Variants in PID1 observed in about 807,000 individuals in gnomAD.
PID1 encodes the protein phosphotyrosine interaction domain containing 1.
Under a neutral mutation model 19.1 loss-of-function variants are expected in PID1, and 10 were observed. The ratio of observed to expected loss-of-function variants is 0.52; its 90% confidence interval spans 0.32 to 0.89. The LOEUF is 0.89. Among genes scored for constraint, PID1 ranks in the 40% least tolerant of loss-of-function variants. The probability of loss-of-function intolerance (pLI) is 0.03; values close to 1 mark genes in which losing one functional copy is unlikely to be tolerated. For missense variants in PID1, 248 were observed against 285.3 expected, an observed-to-expected ratio of 0.87 and a Z score of 0.94; for synonymous variants, 130 against 116.0, an observed-to-expected ratio of 1.12 and a Z score of -0.78.
At chr2:229,155,778 A>G in intron 2 of PID1, 40 bp downstream of exon 2, 2 of 1,559,214 alleles carry the variant, frequency 1.3e-6, no homozygotes, top group Non-Finnish European at 1.7e-6. Flanking sequence ...CTTTGAGGCT[A>G]TCTCACCAAG....
intron 1 of PID1, among the ~76,000 whole-genome samples, chr2:229,219,982 C>T (rs956209264): frequency 2.0e-5 from 3 of 151,934 alleles, no homozygotes; most frequent in Non-Finnish European, 4.4e-5. Flanking sequence ...ATGTGATCGA[C>T]TGTAAATTCC....
At chr2:229,102,177 TCA>T (rs1455158097) in intron 2 of PID1, among the ~76,000 whole-genome samples, 4 of 152,126 alleles carry the variant, frequency 2.6e-5, no homozygotes, top group Non-Finnish European at 5.9e-5. Context: ...GGACTTCAGT[TCA>T]CAGAGACCCA....
At chr2:229,109,935 T>C (rs1212792891) in intron 2 of PID1, among the ~76,000 whole-genome samples, 2 of 152,138 alleles carry the variant, frequency 1.3e-5, no homozygotes, top group Non-Finnish European at 2.9e-5. Flanking sequence ...TTCCACCTTA[T>C]CATGCAGAAC....
At chr2:229,076,367 C>T (rs1694557449) in intron 2 of PID1, among the ~76,000 whole-genome samples, 1 of 151,956 alleles carries the variant, frequency 6.6e-6, no homozygotes. Context: ...CTTTGTGAAA[C>T]TCTTTCTTGG....
intron 1 of PID1, among the ~76,000 whole-genome samples, chr2:229,215,328 ATTGC>A (rs1691822419): frequency 6.6e-6 from 1 of 152,158 alleles, no homozygotes; most frequent in Non-Finnish European, 1.5e-5. Flanking sequence ...TTTCTACTGG[ATTGC>A]TTGTCTTTTT....
At chr2:229,157,430 C>CA (rs144446508) in intron 1 of PID1, among the ~76,000 whole-genome samples, 46,204 of 124,784 alleles carry the variant, frequency 0.37, 8,198 homozygotes, top group African/African-American at 0.49. Context: ...GATTCCATCT[C>CA]AAAAAAAAAA....
At chr2:229,192,157 A>C (rs1047993965) in intron 1 of PID1, among the ~76,000 whole-genome samples, 1 of 152,234 alleles carries the variant, frequency 6.6e-6, no homozygotes, top group African/African-American at 2.4e-5. Flanking sequence ...TTTGCCAGTA[A>C]TTAAGAGGAA....
chr2:229,103,751 G>A (rs1695120040), intron 2 of PID1, among the ~76,000 whole-genome samples: 1 of 151,920 alleles, frequency 6.6e-6, no homozygotes, highest in Non-Finnish European at 1.5e-5. Context: ...TAATTGTTTT[G>A]TATTTTTAGT....
intron 2 of PID1, among the ~76,000 whole-genome samples, chr2:229,061,055 G>A (rs997759660): frequency 6.6e-6 from 1 of 152,006 alleles, no homozygotes; most frequent in African/African-American, 2.4e-5. Context: ...CTCCCAGTCT[G>A]TGCATTGCCA....
intron 1 of PID1, among the ~76,000 whole-genome samples, chr2:229,226,293 C>T (rs1370762192): frequency 1.3e-5 from 2 of 152,190 alleles, no homozygotes; most frequent in African/African-American, 4.8e-5. Context: ...TCTCACACTT[C>T]CCAACTTTCC....
intron 1 of PID1, among the ~76,000 whole-genome samples, chr2:229,177,069 A>G (rs1048864895): frequency 4.6e-5 from 7 of 152,190 alleles, no homozygotes; most frequent in Non-Finnish European, 1.0e-4. Context: ...AAGAGAAGAG[A>G]ACTTGTGAAG....
chr2:229,104,511 T>G (rs376552591), intron 2 of PID1, among the ~76,000 whole-genome samples: 5 of 152,232 alleles, frequency 3.3e-5, no homozygotes, highest in Non-Finnish European at 5.9e-5. Flanking sequence ...GTATTGGCTG[T>G]TTCACTCATT....
intron 2 of PID1, among the ~76,000 whole-genome samples, chr2:229,036,827 T>C (rs1335929453): frequency 2.6e-5 from 4 of 152,230 alleles, no homozygotes; most frequent in African/African-American, 9.6e-5. Context: ...TGAAGCCTAC[T>C]AATTGTCATT....
chr2:229,133,906 T>C (rs1263339201), intron 2 of PID1, among the ~76,000 whole-genome samples: 1 of 152,108 alleles, frequency 6.6e-6, no homozygotes, highest in Admixed American at 6.5e-5. Flanking sequence ...TAGCATTAGG[T>C]ATATCTCCTA....
At chr2:229,212,149 G>T (rs1691751063) in intron 1 of PID1, among the ~76,000 whole-genome samples, 1 of 152,082 alleles carries the variant, frequency 6.6e-6, no homozygotes, top group Non-Finnish European at 1.5e-5. Context: ...TTGGAGGGAG[G>T]GGATAGGACA....
chr2:229,266,395 A>AATTTTAACTTCAATAGGAG (rs371711143), intron 1 of PID1, among the ~76,000 whole-genome samples: 6,079 of 152,144 alleles, frequency 0.04, 404 homozygotes, highest in African/African-American at 0.14. Context: ...GGCACTTGTG[A>AATTTTAACTTCAATAGGAG]ATTTTAACTT....
chr2:229,268,189 C>T (rs1690642814), intron 1 of PID1, among the ~76,000 whole-genome samples: 1 of 152,208 alleles, frequency 6.6e-6, no homozygotes, highest in South Asian at 2.1e-4. Context: ...CAATAGGTCC[C>T]TTTGCCTGTG....
intron 1 of PID1, among the ~76,000 whole-genome samples, chr2:229,196,909 G>A (rs1172531044): frequency 6.6e-6 from 1 of 152,060 alleles, no homozygotes; most frequent in African/African-American, 2.4e-5. Flanking sequence ...ATTAAAGTAA[G>A]TAAGTAGCAT....
At chr2:229,158,111 T>A (rs1414223599) in intron 1 of PID1, among the ~76,000 whole-genome samples, 1 of 152,270 alleles carries the variant, frequency 6.6e-6, no homozygotes, top group Non-Finnish European at 1.5e-5. Flanking sequence ...CTGCACAATG[T>A]AAATTCATGC....
Sources: allele counts gnomAD v4.1 joint callset (sites outside exome capture counted in the v4.1 genomes callset), GRCh38; gene constraint gnomAD v4.1.1; transcripts MANE v1.5; gene names NCBI Gene and HGNC (gene_info 2026-07-23, HGNC 2026-07-21).